Variants in ETV6 observed in about 807,000 individuals in gnomAD.
The protein encoded by ETV6 is ETS variant transcription factor 6.
In ETV6, 16 loss-of-function variants were observed where a neutral mutation model predicts 51.1. The observed-to-expected ratio is 0.31, with a 90% CI of 0.21 to 0.48. The LOEUF is 0.48. ETV6 is among the 20% of genes least tolerant of loss of function. The pLI, the probability that ETV6 is intolerant of heterozygous loss-of-function variation, is 0.99. For synonymous variants in ETV6, 240 were observed against 224.1 expected (o/e 1.07, Z -0.64); for missense variants, 458 against 594.8 (o/e 0.77, Z 2.39).
At chr12:11,877,569 C>G (rs1947010717) in intron 5 of ETV6, among the ~76,000 whole-genome samples, 1 of 152,106 alleles carries the variant, frequency 6.6e-6, no homozygotes, top group South Asian at 2.1e-4. Flanking sequence ...TGTTTTAGTA[C>G]CAGGTGAAAG....
intron 1 of ETV6, among the ~76,000 whole-genome samples, chr12:11,708,257 GAA>G (rs59648448): frequency 1.2e-3 from 134 of 113,194 alleles, no homozygotes; most frequent in African/African-American, 3.4e-3. Flanking sequence ...GAGTCTCAGT[GAA>G]AAAAAAAAAA....
At chr12:11,720,771 A>G (rs577464245) in intron 1 of ETV6, among the ~76,000 whole-genome samples, 4 of 152,322 alleles carry the variant, frequency 2.6e-5, no homozygotes, top group Admixed American at 2.0e-4. Context: ...CAAAAGAATC[A>G]ACAGAGTAAA....
intron 5 of ETV6, among the ~76,000 whole-genome samples, chr12:11,882,928 A>C (rs1458939749): frequency 6.6e-6 from 1 of 152,260 alleles, no homozygotes; most frequent in Admixed American, 6.5e-5. Flanking sequence ...GCAGGAGTCC[A>C]GAGTGCAAAT....
chr12:11,766,962 C>T (rs1945170389), intron 2 of ETV6, among the ~76,000 whole-genome samples: 1 of 152,166 alleles, frequency 6.6e-6, no homozygotes, highest in African/African-American at 2.4e-5. Flanking sequence ...TTCCATCAGC[C>T]TGCATGTGGT....
intron 1 of ETV6, among the ~76,000 whole-genome samples, chr12:11,722,693 G>A (rs958719171): frequency 6.6e-6 from 1 of 152,184 alleles, no homozygotes; most frequent in Non-Finnish European, 1.5e-5. Context: ...CCAGTTGTAG[G>A]CCAGGCCCTA....
At chr12:11,848,811 C>T (rs899186370) in intron 3 of ETV6, among the ~76,000 whole-genome samples, 2 of 152,110 alleles carry the variant, frequency 1.3e-5, no homozygotes, top group Non-Finnish European at 2.9e-5. Flanking sequence ...TGTATGTATG[C>T]GTGAAGATAG....
chr12:11,674,641 G>GTA, intron 1 of ETV6, among the ~76,000 whole-genome samples: 1 of 150,872 alleles, frequency 6.6e-6, no homozygotes, highest in Non-Finnish European at 1.5e-5. Context: ...GTGTGTGTGT[G>GTA]TGTGTGTGTG....
At position 11,849,809 on chromosome 12, in the gene ETV6, G is replaced by A. The variant is rs181224222; in HGVS notation, c.329-3618G>A. ...AGTGAGCAAAGTTTGAGTCAATCTA[G>A]GAAACCTCTAGAATCCTGTCTAGAT... On this transcript the variant is annotated intron_variant, in intron 3 of 7. Coordinates refer to ENST00000396373, the MANE Select transcript of ETV6 (RefSeq NM_001987.5). Among the ~76,000 whole-genome samples, 278 of 152,238 alleles carry A rather than the reference G, an allele frequency of 1.8e-3. 1 individual carries two copies. The highest frequency in any genetic ancestry group is 3.7e-3 in the Admixed American group (57 of 15,304).
chr12:11,822,221 C>T (rs972885426), intron 2 of ETV6, among the ~76,000 whole-genome samples: 7 of 152,148 alleles, frequency 4.6e-5, no homozygotes, highest in Middle Eastern at 6.8e-3. Context: ...GGTGAGTGAA[C>T]GGAGAGGTGG....
At chr12:11,716,369 G>A (rs955425143) in intron 1 of ETV6, among the ~76,000 whole-genome samples, 1 of 142,954 alleles carries the variant, frequency 7.0e-6, no homozygotes, top group Admixed American at 7.0e-5. Flanking sequence ...AAGATCATTC[G>A]GAACCGAATA....
intron 7 of ETV6, among the ~76,000 whole-genome samples, chr12:11,886,844 C>T (rs1004122750): frequency 6.6e-6 from 1 of 152,124 alleles, no homozygotes; most frequent in Non-Finnish European, 1.5e-5. Context: ...ATTAGCGGGG[C>T]CAACTGCAGG....
chr12:11,695,667 C>T (rs752700281), intron 1 of ETV6, among the ~76,000 whole-genome samples: 13 of 152,220 alleles, frequency 8.5e-5, no homozygotes, highest in Non-Finnish European at 1.3e-4. Context: ...TTCCAGCTCT[C>T]GCCTTCATGG....
At chr12:11,794,020 G>A (rs1945641486) in intron 2 of ETV6, among the ~76,000 whole-genome samples, 1 of 152,144 alleles carries the variant, frequency 6.6e-6, no homozygotes, top group East Asian at 1.9e-4. Flanking sequence ...CCTGCTGTTT[G>A]TAAATGTGAA....
At chr12:11,849,978 T>TG (rs1439666693) in intron 3 of ETV6, among the ~76,000 whole-genome samples, 1 of 152,166 alleles carries the variant, frequency 6.6e-6, no homozygotes, top group African/African-American at 2.4e-5. Flanking sequence ...CCCTAGTTGC[T>TG]GAGGAAACAT....
chr12:11,674,615 T>TGTGTG (rs1864379901), intron 1 of ETV6, among the ~76,000 whole-genome samples: 2 of 133,162 alleles, frequency 1.5e-5, no homozygotes, highest in Admixed American at 7.5e-5. Context: ...TAGGGGTTAT[T>TGTGTG]TGTGTGTGTG....
chr12:11,705,658 A>G (rs1300186492), intron 1 of ETV6, among the ~76,000 whole-genome samples: 1 of 152,262 alleles, frequency 6.6e-6, no homozygotes, highest in Non-Finnish European at 1.5e-5. Context: ...AAAACAAAAT[A>G]CTAGAAGAAA....
chr12:11,738,214 T>TTCCTTCCTTCCCTCCC (rs1271108675), intron 1 of ETV6, among the ~76,000 whole-genome samples: 5 of 143,462 alleles, frequency 3.5e-5, no homozygotes, highest in African/African-American at 7.5e-5. Context: ...CCTTCCTTCC[T>TTCCTTCCTTCCCTCCC]TCCTTCCTTC....
chr12:11,650,505 A>AAAAAAAAAAC (rs1863883386), intron 1 of ETV6, among the ~76,000 whole-genome samples: 1 of 19,400 alleles, frequency 5.2e-5, no homozygotes, highest in African/African-American at 9.8e-5. Flanking sequence ...ACAAAAAACA[A>AAAAAAAAAAC]AAAAAAAAAA....
chr12:11,672,480 CT>C (rs1864337397), intron 1 of ETV6, among the ~76,000 whole-genome samples: 1 of 152,188 alleles, frequency 6.6e-6, no homozygotes, highest in Non-Finnish European at 1.5e-5. Flanking sequence ...AGCCCCCCTC[CT>C]AACTTCGTTA....
Sources: allele counts gnomAD v4.1 joint callset (sites outside exome capture counted in the v4.1 genomes callset), GRCh38; gene constraint gnomAD v4.1.1; transcripts MANE v1.5; gene names NCBI Gene and HGNC (gene_info 2026-07-23, HGNC 2026-07-21).